The following MATN1 variants were observed in gnomAD, a reference collection of about 807,000 sequenced individuals.
MATN1 encodes matrilin 1.
A neutral mutation model predicts 41.3 loss-of-function variants in MATN1; 34 were observed. That is an observed-to-expected ratio of 0.82 (90% CI 0.63 to 1.10). The LOEUF is 1.10. Among genes scored for constraint, MATN1 ranks in the 50% least tolerant of loss-of-function variants. The pLI, the probability that MATN1 is intolerant of heterozygous loss-of-function variation, is 0.00. For synonymous variants in MATN1, 264 were observed against 278.7 expected (o/e 0.95, Z 0.53); for missense variants, 602 against 662.4 (o/e 0.91, Z 1.00).
intron 6 of MATN1, among the ~76,000 whole-genome samples, chr1:30,714,896 G>A (rs999229870): frequency 6.6e-6 from 1 of 152,190 alleles, no homozygotes; most frequent in Non-Finnish European, 1.5e-5. Context: ...TCTATAAAAT[G>A]GGGTTAATGA....
In MATN1 at chr1:30,721,740, G is replaced by A. The variant is rs1325497850; in HGVS notation, c.106C>T (p.Arg36Trp). ...LAPQSRGHLC[R>W]TRPTDLVFVV... is the part of the protein sequence containing the mutation. ...AACACCAGGTCTGTGGGCCGCGTCCGGCAGAGATGGCCTGGGAGTGGGGCA... is the reference window on the plus strand; with the variant it reads ...AACACCAGGTCTGTGGGCCGCGTCCAGCAGAGATGGCCTGGGAGTGGGGCA... The change falls in exon 2 of 8, where the codon CGG becomes TGG. Residue 36 changes from arginine (R) to tryptophan (W), a missense_variant. Arg to Trp is a moderately radical substitution (Grantham distance 101, BLOSUM62 -3). Coordinates refer to ENST00000373765, the MANE Select transcript of MATN1 (RefSeq NM_002379.3). The A allele has an allele frequency of 5.6e-6, 9 of 1,608,514 alleles. No individual in the cohort carries two copies. The highest frequency in any genetic ancestry group is 2.2e-5 in the East Asian group (1 of 44,844).
At chr1:30,723,377 G>T in intron 1 of MATN1, 81 bp downstream of exon 1, 2 of 1,092,860 alleles carry the variant, frequency 1.8e-6, no homozygotes, top group Non-Finnish European at 2.5e-6. Context: ...TGTGCTCCCT[G>T]CCATATCGGT....
At chr1:30,714,162 C>G (rs2124150868) in intron 7 of MATN1, 85 bp downstream of exon 7, 1 of 1,144,748 alleles carries the variant, frequency 8.7e-7, no homozygotes, top group East Asian at 2.6e-5. Flanking sequence ...GCCTGCCCAA[C>G]TGACCACACT....
intron 2 of MATN1, chr1:30,719,422 G>A (rs1200066714): frequency 6.2e-6 from 1 of 160,628 alleles, no homozygotes; most frequent in East Asian, 1.8e-4. Flanking sequence ...GCTAAGGGAT[G>A]GGGCTGCCGT....
At chr1:30,717,578 G>A (rs1639632804) in intron 3 of MATN1, among the ~76,000 whole-genome samples, 1 of 151,660 alleles carries the variant, frequency 6.6e-6, no homozygotes, top group African/African-American at 2.4e-5. Context: ...TGAGCTCTGG[G>A]CCCTCCTTGG....
intron 4 of MATN1, 46 bp from the exon 5 acceptor site, chr1:30,716,371 C>A: frequency 1.3e-6 from 2 of 1,579,164 alleles, no homozygotes; most frequent in South Asian, 2.3e-5. Flanking sequence ...AGGACATAGT[C>A]AACCATCCTG....
rs1399052195 is a variant in MATN1, at chr1:30,711,875, G to T, written c.*1707C>A. ...ATAACTTCTCAGGTGGCTGTGTCAA[G>T]GAGCCTCCTTGGACAGCAGAAAAAC... On this transcript the variant is annotated 3_prime_UTR_variant, in exon 8 of 8. Transcript: ENST00000373765. 1 of 152,354 alleles carries T rather than the reference G, an allele frequency of 6.6e-6. No individual in the cohort carries two copies. Among genetic ancestry groups the T allele is most frequent in the African/African-American group, 2.4e-5 (1 of 41,446 alleles). The allele number at this position is 152,354 out of a possible 1,614,324, so 9.4% of individuals were successfully genotyped here.
At position 30,718,901 on chromosome 1, in the gene MATN1, C is replaced by T; in HGVS notation, c.498G>A (p.Ala166=). ...RPQDSVQDVS[A]RARASGVELF... ...GCTCGACGCCGCTGGCCCGGGCCCG[C>T]GCAGACACGTCCTGCACGCTGTCCT... Residue 166 remains alanine, a synonymous_variant, in exon 3 of 8, where the codon GCG becomes GCA. Coordinates refer to ENST00000373765, the MANE Select transcript of MATN1 (RefSeq NM_002379.3). The T allele has an allele frequency of 3.2e-6, 5 of 1,580,626 alleles. No homozygotes were observed. Among genetic ancestry groups the T allele is most frequent in the Non-Finnish European group, 4.3e-6 (5 of 1,168,410 alleles).
At position 30,721,271 on chromosome 1, in the gene MATN1, T is replaced by A. The variant is rs1639690733; in HGVS notation, c.441+134A>T. ...CCTCTGTCTAATGACCGCCCCTCTC[T>A]GACCCTGTTTCCCCAGCTATGAAAT... On this transcript the variant is annotated intron_variant, in intron 2 of 7. Transcript: ENST00000373765. The A allele has an allele frequency of 1.0e-5, 9 of 890,848 alleles. No homozygotes were observed. In the Admixed American group the frequency reaches 2.1e-4, roughly 21 times the overall value. 55.2% of individuals were successfully genotyped at this position (890,848 alleles called of 1,614,324 possible).
Position 30,718,960 on chromosome 1 carries a change from G to A in MATN1, c.442-3C>T. ...CCGTCTGTCACCACGATGACCACCT[G>A]CGACACGCGGGGCGGTGTGACACCG... is the stretch of plus-strand genomic sequence containing the variant. On this transcript the variant is annotated splice_region_variant and splice_polypyrimidine_tract_variant and intron_variant, in intron 2 of 7. Coordinates refer to ENST00000373765, the MANE Select transcript of MATN1 (RefSeq NM_002379.3). 1 of 1,496,212 alleles carries A rather than the reference G, an allele frequency of 6.7e-7. No homozygotes were observed. The highest frequency in any genetic ancestry group is 8.9e-7 in the Non-Finnish European group (1 of 1,123,200). 92.7% of individuals were successfully genotyped at this position (1,496,212 alleles called of 1,614,324 possible). A position where few individuals can be genotyped will look rare whatever the true frequency, so the allele number is the denominator to read the frequency against.
Position 30,716,092 on chromosome 1 carries a change from C to G in MATN1, c.1024G>C (p.Val342Leu). 1 of 1,614,242 alleles carries G rather than the reference C, an allele frequency of 6.2e-7. No individual in the cohort carries two copies. The change falls in exon 5 of 8, where the codon GTG (valine) becomes CTG (leucine). Residue 342 changes from valine to leucine, a missense_variant. Physicochemically the swap from Val to Leu is conservative, Grantham distance 32. Coordinates refer to ENST00000373765, the MANE Select transcript of MATN1 (RefSeq NM_002379.3). ...FHTKKDIKAA[V>L]RNMSYMEKGT... ...TTCTCCATGTAGGACATATTCCGCA[C>G]AGCCGCCTTGATGTCCTTCTTGGTG...
intron 3 of MATN1, 67 bp from the exon 4 acceptor site, chr1:30,716,982 C>T (rs932019431): frequency 3.5e-5 from 52 of 1,494,084 alleles, no homozygotes; most frequent in Non-Finnish European, 4.5e-5. Context: ...ACAGGTTGTC[C>T]CTCCCTGACT....
intron 3 of MATN1, among the ~76,000 whole-genome samples, chr1:30,717,655 TTTTG>T (rs1472563333): frequency 1.0e-4 from 7 of 67,898 alleles, no homozygotes; most frequent in East Asian, 3.7e-4. Context: ...TTTTTTTTTG[TTTTG>T]TTTTTTTTTT....
intron 7 of MATN1, 64 bp downstream of exon 7, chr1:30,714,183 C>A: frequency 7.4e-7 from 1 of 1,353,288 alleles, no homozygotes; most frequent in Non-Finnish European, 1.0e-6. Context: ...TGGGCCATGC[C>A]CCCGCCTCCC....
chr1:30,721,330 GTC>G, intron 2 of MATN1, 73 bp downstream of exon 2: 3 of 1,384,494 alleles, frequency 2.2e-6, no homozygotes, highest in Non-Finnish European at 3.0e-6. Context: ...GAATCAAAGT[GTC>G]TGCAGGCAAA....
intron 3 of MATN1, among the ~76,000 whole-genome samples, chr1:30,717,695 C>T (rs1242070917): frequency 1.4e-5 from 2 of 146,064 alleles, no homozygotes; most frequent in African/African-American, 5.2e-5. Context: ...CGCTCTGTCG[C>T]CCAGGCTGGA....
At chr1:30,719,275 A>G (rs1055150340) in intron 2 of MATN1, 1 of 335,250 alleles carries the variant, frequency 3.0e-6, no homozygotes. Context: ...GGCTGAGGGC[A>G]GGGTCCTCAG....
At position 30,721,165 on chromosome 1, in the gene MATN1, T is replaced by C; in HGVS notation, c.441+240A>G. ...GGTCGGGAACCAAGGTCAACTAAAC[T>C]GAAATGATTGTAAGCTCCTAGGATG... On this transcript the variant is annotated intron_variant, in intron 2 of 7. Transcript: ENST00000373765. 5.5e-6 allele frequency: 3 copies of C among 545,488 alleles called. No individual in the cohort carries two copies. The South Asian group carries it at 6.9e-5, about 13-fold the overall frequency. 33.8% of individuals were successfully genotyped at this position (545,488 alleles called of 1,614,324 possible).
chr1:30,718,313 C>T (rs1639649160), intron 3 of MATN1, among the ~76,000 whole-genome samples: 2 of 151,972 alleles, frequency 1.3e-5, no homozygotes, highest in Non-Finnish European at 2.9e-5. Context: ...GCCACGGCCT[C>T]GTCCCGCTCA....
Sources: gnomAD v4.1 joint callset for allele counts (sites outside exome capture counted in the v4.1 genomes callset) on GRCh38, gnomAD v4.1.1 for gene constraint, MANE v1.5 for transcripts, NCBI Gene and HGNC (gene_info 2026-07-23, HGNC 2026-07-21) for gene names.